The following TDRD12 variants were observed in gnomAD, a reference collection of about 807,000 sequenced individuals.
TDRD12 encodes the protein putative ATP-dependent RNA helicase TDRD12.
In TDRD12, 158 loss-of-function variants were observed where a neutral mutation model predicts 133.5. The ratio of observed to expected loss-of-function variants is 1.18; its 90% CI spans 1.04 to 1.35. The LOEUF (loss-of-function observed/expected upper bound fraction) is 1.35. Among genes scored for constraint, TDRD12 ranks in the 40% most tolerant of loss-of-function variants. The pLI is 0.00. For missense variants in TDRD12, 1,443 were observed against 1,321.3 expected (o/e 1.09, Z -1.43); for synonymous variants, 460 against 477.9 (o/e 0.96, Z 0.49).
intron 4 of TDRD12, 101 bp from the exon 5 acceptor site, chr19:32,748,375 T>C: frequency 1.7e-6 from 2 of 1,178,006 alleles, no homozygotes; most frequent in Non-Finnish European, 2.4e-6. Flanking sequence ...ACGTGTTCCA[T>C]ATGTAGTGTG....
chr19:32,802,915 T>G lies in TDRD12; in HGVS notation c.2332-7T>G. The G allele has an allele frequency of 6.5e-7, 1 of 1,532,772 alleles. No homozygotes were observed. The highest frequency in any genetic ancestry group is 1.2e-5 in the South Asian group (1 of 83,686). 94.9% of individuals were successfully genotyped at this position (1,532,772 alleles called of 1,614,324 possible). ...ATCCACTTCCTTTATTCACCCCCAA[T>G]TTTCAGGGTTCTCCTGCAGAACAGG... On this transcript the variant is annotated splice_region_variant and splice_polypyrimidine_tract_variant and intron_variant, in intron 20 of 27. Transcript: ENST00000444215.
intron 25 of TDRD12, among the ~76,000 whole-genome samples, chr19:32,815,141 AC>A (rs1967132096): frequency 1.8e-5 from 2 of 108,952 alleles, no homozygotes; most frequent in Admixed American, 9.7e-5. Flanking sequence ...TATGCATCTG[AC>A]TAGGGGTTTA....
At chr19:32,754,453 C>T (rs1227577918) in intron 6 of TDRD12, among the ~76,000 whole-genome samples, 1 of 152,054 alleles carries the variant, frequency 6.6e-6, no homozygotes, top group Non-Finnish European at 1.5e-5. Context: ...GAGCAAGACC[C>T]TGTCTCAAAA....
At chr19:32,732,004 T>C in intron 2 of TDRD12, 121 bp downstream of exon 2, 3 of 1,023,256 alleles carry the variant, frequency 2.9e-6, no homozygotes, top group East Asian at 2.8e-5. Flanking sequence ...CTCAGTGCCT[T>C]GTGTTAGGTT....
At chr19:32,820,651 TG>T (rs1173297864) in intron 27 of TDRD12, among the ~76,000 whole-genome samples, 1 of 152,118 alleles carries the variant, frequency 6.6e-6, no homozygotes, top group Non-Finnish European at 1.5e-5. Context: ...TTTCTAGAAG[TG>T]GGCCCAAACT....
downstream of TDRD12, among the ~76,000 whole-genome samples, chr19:32,825,180 C>T (rs935394452): frequency 3.3e-5 from 5 of 152,180 alleles, no homozygotes; most frequent in Admixed American, 6.5e-5. The surrounding 1 kb of genome is among the most constrained non-coding windows in gnomAD (Gnocchi z 4.1). Flanking sequence ...CGATGGCAGG[C>T]GGCATGTGAC....
exon 6 of TDRD12, chr19:32,749,825 G>C: frequency 6.4e-7 from 1 of 1,550,666 alleles, no homozygotes; most frequent in Non-Finnish European, 8.7e-7. Context: ...TGTGGAAGAA[G>C]ATACATTTGA....
At chr19:32,796,008 T>G in intron 14 of TDRD12, 8 of 266,658 alleles carry the variant, frequency 3.0e-5, no homozygotes, top group Non-Finnish European at 4.0e-5. Flanking sequence ...TAACATGAGA[T>G]TTGGGTGGGG....
At chr19:32,731,954 G>A (rs1027873822) in intron 2 of TDRD12, 71 bp downstream of exon 2, 83 of 1,399,826 alleles carry the variant, frequency 5.9e-5, no homozygotes, top group African/African-American at 3.8e-4. Flanking sequence ...TTTTGGCAAC[G>A]ATGATGATTC....
intron 11 of TDRD12, among the ~76,000 whole-genome samples, chr19:32,784,300 T>C (rs373460891): frequency 6.6e-6 from 1 of 152,194 alleles, no homozygotes; most frequent in East Asian, 1.9e-4. Flanking sequence ...ATTTATTGAT[T>C]TGCGTATGTT....
chr19:32,719,789 C>T (rs945648891), exon 1 of TDRD12: 1 of 542,032 alleles, frequency 1.8e-6, no homozygotes, highest in Non-Finnish European at 3.3e-6. Flanking sequence ...CGCGGGCATC[C>T]GGTGGGTGCG....
intron 14 of TDRD12, chr19:32,796,228 G>A: frequency 1.0e-6 from 1 of 970,372 alleles, no homozygotes; most frequent in Non-Finnish European, 1.2e-6. Context: ...ACATAGGGTT[G>A]CAGTTAGGAA....
At chr19:32,721,444 G>A (rs1046829657) in intron 1 of TDRD12, among the ~76,000 whole-genome samples, 5 of 151,988 alleles carry the variant, frequency 3.3e-5, no homozygotes, top group Non-Finnish European at 4.4e-5. Flanking sequence ...GGAGTGCAGT[G>A]GTGTGACCTC....
intron 1 of TDRD12, among the ~76,000 whole-genome samples, chr19:32,728,667 CAG>C (rs1310396979): frequency 1.6e-5 from 2 of 126,552 alleles, no homozygotes; most frequent in Non-Finnish European, 3.2e-5. Context: ...TTTTTTGTGA[CAG>C]AGTCTCACTC....
At chr19:32,821,210 C>A in exon 28 of TDRD12, 2 of 1,245,270 alleles carry the variant, frequency 1.6e-6, no homozygotes, top group Non-Finnish European at 2.2e-6. Context: ...AATGTTTAGA[C>A]TTTCTACTTT....
intron 10 of TDRD12, among the ~76,000 whole-genome samples, chr19:32,774,766 C>T (rs1412459375): frequency 1.3e-5 from 2 of 152,072 alleles, no homozygotes; most frequent in Non-Finnish European, 1.5e-5. Flanking sequence ...AGACCTCACC[C>T]GAGGTCAGGA....
chr19:32,805,060 G>T lies in TDRD12; in HGVS notation c.2552+1918G>T, dbSNP rs1971504076. Among the ~76,000 whole-genome samples, 3 of 151,628 alleles carry T rather than the reference G, an allele frequency of 2.0e-5. No homozygotes were observed. In the South Asian group the frequency reaches 6.3e-4, roughly 32 times the overall value. ...CACCTATAATCCCAGCGCTTTGGGA[G>T]GCTGAAGTGGGAGGATCACTTGAGC... is the stretch of plus-strand genomic sequence containing the variant. On this transcript the variant is annotated intron_variant, in intron 21 of 27. Coordinates refer to ENST00000444215, the Ensembl canonical transcript of TDRD12.
chr19:32,755,441 C>T (rs1248362098), intron 6 of TDRD12, among the ~76,000 whole-genome samples: 1 of 152,202 alleles, frequency 6.6e-6, no homozygotes, highest in Non-Finnish European at 1.5e-5. Context: ...ATTTGCGTTT[C>T]CCTAATGATG....
At chr19:32,755,869 A>G in intron 6 of TDRD12, 123 bp from the exon 7 acceptor site, 1 of 710,532 alleles carries the variant, frequency 1.4e-6, no homozygotes, top group Non-Finnish European at 2.1e-6. Context: ...TGTTTCTCTC[A>G]GATTATGTTC....
Sources: gnomAD v4.1 joint callset for allele counts (sites outside exome capture counted in the v4.1 genomes callset) on GRCh38, gnomAD v4.1.1 for gene constraint, Gnocchi (gnomAD v3.1) non-coding constraint, MANE v1.5 for transcripts, NCBI Gene and HGNC (gene_info 2026-07-23, HGNC 2026-07-21) for gene names.